The following ANKRD62 variants were observed in gnomAD, a reference collection of about 807,000 sequenced individuals.
The protein encoded by ANKRD62 is ankyrin repeat domain-containing protein 62.
ANKRD62 carries 61 observed loss-of-function variants against 98.8 expected under a neutral mutation model. That is an observed-to-expected ratio of 0.62 (90% CI 0.50 to 0.76). The LOEUF is 0.76. Ranked by LOEUF, ANKRD62 falls within the 30% of genes least tolerant of loss-of-function variation. The pLI, the probability that ANKRD62 is intolerant of heterozygous loss-of-function variation, is 0.00. For missense variants in ANKRD62, 933 were observed against 1,082.9 expected (o/e 0.86, Z 1.94); for synonymous variants, 341 against 367.9 (o/e 0.93, Z 0.84).
intron 13 of ANKRD62, 91 bp downstream of exon 13, chr18:12,126,474 A>G: frequency 1.9e-6 from 2 of 1,064,438 alleles, no homozygotes; most frequent in Non-Finnish European, 2.6e-6. Flanking sequence ...ATCTAGTTGA[A>G]TATCAAAATA....
Position 12,126,124 on chromosome 18 carries a change from AGCAGC to A in ANKRD62, c.2304_2308del (p.Gln769IlefsTer21). The A allele has an allele frequency of 6.5e-7, 1 of 1,536,146 alleles. No individual in the cohort carries two copies. Among genetic ancestry groups the A allele is most frequent in the Non-Finnish European group, 8.7e-7 (1 of 1,146,890 alleles). ...CCTATTTTGGAAAAATACGTGAGAA[AGCAGC>A]AATCTGTAGAGGATGGACTATTTCA... is the stretch of plus-strand genomic sequence containing the variant. On this transcript the variant is annotated frameshift_variant, in exon 13 of 14. Coordinates refer to ENST00000587848, the MANE Select transcript of ANKRD62 (RefSeq NM_001277333.2). LOFTEE classifies it high-confidence loss of function.
chr18:12,124,264 C>G lies in ANKRD62; in HGVS notation c.1582C>G (p.Leu528Val), dbSNP rs1909843648. The G allele has an allele frequency of 1.5e-6, 2 of 1,327,928 alleles. No homozygotes were observed. The highest frequency in any genetic ancestry group is 1.0e-6 in the Non-Finnish European group (1 of 972,038). The allele number at this position is 1,327,928 out of a possible 1,614,324, so 82.3% of individuals were successfully genotyped here. A position where few individuals can be genotyped will look rare whatever the true frequency, so the allele number is the denominator to read the frequency against. The change falls in exon 12 of 14, where the codon CTG becomes GTG. Residue 528 changes from leucine (L) to valine (V), a missense_variant. By Grantham distance (32) the Leu-to-Val change is conservative (BLOSUM62 1). Around this residue, in one of 3 missense-constraint regions of ANKRD62, gnomAD observed 22 missense variants for 60.5 expected, o/e 0.36. Transcript: ENST00000587848. ...AACTGAAGTGAAAAAACAATCTAAA[C>G]TGACTCTCAAATCATTGGAAGTGGA... ...TQTEVKKQSK[L>V]TLKSLEVELK...
At chr18:12,112,230 A>G (rs1909558908) in intron 8 of ANKRD62, among the ~76,000 whole-genome samples, 1 of 152,122 alleles carries the variant, frequency 6.6e-6, no homozygotes, top group Non-Finnish European at 1.5e-5. Context: ...TTTAAAATTC[A>G]TAGGGAACCA....
chr18:12,166,599 C>T, the ANKRD62 span, among the ~76,000 whole-genome samples: 1 of 152,008 alleles, frequency 6.6e-6, no homozygotes, highest in Non-Finnish European at 1.5e-5. Context: ...TGAAAAGTCA[C>T]ATATCTCTGT....
At chr18:12,174,895 G>A in the ANKRD62 span, among the ~76,000 whole-genome samples, 778 of 152,356 alleles carry the variant, frequency 5.1e-3, 4 homozygotes, top group African/African-American at 0.017. Context: ...CTTGCAGAAC[G>A]TTGGTCACTA....
chr18:12,095,259 A>C lies in ANKRD62; in HGVS notation c.307A>C (p.Ser103Arg). ...AAAATGCCAGCTTAACCTCACTGAC[A>C]GTGAAAACAGGACAGCTCTGATCAA... is the stretch of plus-strand genomic sequence containing the variant. The part of the protein sequence containing the change: ...ARKCQLNLTD[S>R]ENRTALIKAV... Residue 103 changes from serine to arginine, a missense_variant, in exon 2 of 14, where the codon AGT becomes CGT. By Grantham distance (110) the Ser-to-Arg change is moderately radical (BLOSUM62 -1). Coordinates refer to ENST00000587848, the MANE Select transcript of ANKRD62 (RefSeq NM_001277333.2). 6.5e-7 allele frequency: 1 copy of C among 1,539,864 alleles called. No individual in the cohort carries two copies. The highest frequency in any genetic ancestry group is 1.2e-5 in the South Asian group (1 of 84,066).
intron 6 of ANKRD62, among the ~76,000 whole-genome samples, chr18:12,100,399 G>C (rs1272860430): frequency 6.6e-6 from 1 of 152,158 alleles, no homozygotes; most frequent in African/African-American, 2.4e-5. Flanking sequence ...AGGAGGAGTA[G>C]GAGGTAGAGG....
At chr18:12,138,286 T>C in the ANKRD62 span, among the ~76,000 whole-genome samples, 4 of 152,166 alleles carry the variant, frequency 2.6e-5, no homozygotes, top group South Asian at 6.2e-4. Flanking sequence ...TTTATTTCTG[T>C]CTTCATTTCG....
intron 10 of ANKRD62, among the ~76,000 whole-genome samples, chr18:12,116,323 T>C (rs1031706708): frequency 1.3e-5 from 2 of 152,240 alleles, no homozygotes; most frequent in Non-Finnish European, 2.9e-5. Context: ...GCGGTTACTG[T>C]GTTGTCACAC....
chr18:12,138,942 C>T, the ANKRD62 span, among the ~76,000 whole-genome samples: 2 of 152,120 alleles, frequency 1.3e-5, no homozygotes, highest in Non-Finnish European at 2.9e-5. Context: ...TGTGTCTCTG[C>T]ACGTGAGATG....
downstream of ANKRD62, among the ~76,000 whole-genome samples, chr18:12,132,274 A>G (rs1910017260): frequency 6.6e-6 from 1 of 152,184 alleles, no homozygotes; most frequent in Non-Finnish European, 1.5e-5. Flanking sequence ...TTGATCATGT[A>G]TCCTGCAATG....
chr18:12,115,461 G>C lies in ANKRD62; in HGVS notation c.1167G>C (p.Glu389Asp). ...GTGGGTCATCTGAAAAAACCTCAGA[G>C]GATGATGAGTTGCCTTACTCTGATG... Reference protein sequence around the residue: ...DISGSSEKTSEDDELPYSDDE... With the variant: ...DISGSSEKTSDDDELPYSDDE... The change falls in exon 10 of 14, where the codon GAG (glutamate) becomes GAC (aspartate). Residue 389 changes from glutamate (E) to aspartate (D), a missense_variant. Coordinates refer to ENST00000587848, the MANE Select transcript of ANKRD62 (RefSeq NM_001277333.2). The C allele has an allele frequency of 6.5e-7, 1 of 1,537,242 alleles. No individual in the cohort carries two copies. Among genetic ancestry groups the C allele is most frequent in the Non-Finnish European group, 8.7e-7 (1 of 1,146,512 alleles).
At chr18:12,120,865 T>C (rs996946544) in intron 10 of ANKRD62, among the ~76,000 whole-genome samples, 5 of 152,212 alleles carry the variant, frequency 3.3e-5, no homozygotes, top group Non-Finnish European at 5.9e-5. Flanking sequence ...CAAGTAATGT[T>C]ATACCACATC....
Position 12,095,575 on chromosome 18 carries a change from C to A in ANKRD62, c.472C>A (p.Leu158Ile). ...NENISMARKL[L>I]AYGADIEARS... ...GAATATATCAATGGCAAGAAAACTG[C>A]TTGCATATGGTGCAGATATTGAAGC... is the stretch of plus-strand genomic sequence containing the variant. The change falls in exon 3 of 14, where the codon CTT (leucine) becomes ATT (isoleucine). Residue 158 changes from leucine to isoleucine, a missense_variant. Physicochemically the swap from Leu to Ile is conservative, Grantham distance 5. This residue lies in a region of ANKRD62 where 549 missense variants were observed against 587.9 expected (regional missense o/e 0.93). Coordinates refer to ENST00000587848, the MANE Select transcript of ANKRD62 (RefSeq NM_001277333.2). 6.5e-7 allele frequency: 1 copy of A among 1,530,598 alleles called. No individual in the cohort carries two copies. Among genetic ancestry groups the A allele is most frequent in the Non-Finnish European group, 8.7e-7 (1 of 1,143,680 alleles). 94.8% of individuals were successfully genotyped at this position (1,530,598 alleles called of 1,614,324 possible). A position where few individuals can be genotyped will look rare whatever the true frequency, so the allele number is the denominator to read the frequency against.
Position 12,095,622 on chromosome 18 carries a change from C to G in ANKRD62, c.507+12C>G. On this transcript the variant is annotated intron_variant, in intron 3 of 13. Transcript: ENST00000587848. ...AAGCAAGAAGCCAGGTATGATCAAC[C>G]AATGTTCTTTTCAAAGTATTTCAAG... 6.8e-7 allele frequency: 1 copy of G among 1,475,744 alleles called. No homozygotes were observed. The highest frequency in any genetic ancestry group is 9.0e-7 in the Non-Finnish European group (1 of 1,116,750). The allele number at this position is 1,475,744 out of a possible 1,614,324, so 91.4% of individuals were successfully genotyped here.
At chr18:12,106,279 C>G (rs1909411848) in intron 7 of ANKRD62, among the ~76,000 whole-genome samples, 1 of 152,044 alleles carries the variant, frequency 6.6e-6, no homozygotes, top group Admixed American at 6.6e-5. Context: ...ATGTCAGTAC[C>G]ATGGATTCTC....
At chr18:12,158,756 G>A in the ANKRD62 span, among the ~76,000 whole-genome samples, 6 of 149,548 alleles carry the variant, frequency 4.0e-5, no homozygotes, top group South Asian at 2.1e-4. Flanking sequence ...GCGTGGTCTC[G>A]ATCTCCTGAC....
the ANKRD62 span, among the ~76,000 whole-genome samples, chr18:12,155,069 A>C: frequency 6.6e-6 from 1 of 152,322 alleles, no homozygotes; most frequent in Admixed American, 6.5e-5. Flanking sequence ...CCCCTGTGAC[A>C]CAAGTTTACC....
the ANKRD62 span, among the ~76,000 whole-genome samples, chr18:12,136,310 C>G: frequency 2.0e-5 from 3 of 151,920 alleles, no homozygotes; most frequent in East Asian, 5.8e-4. Context: ...AATCCTTTCC[C>G]CATTGCTTGT....
Sources: gnomAD v4.1 joint callset for allele counts (sites outside exome capture counted in the v4.1 genomes callset) on GRCh38, gnomAD v4.1.1 for gene constraint, gnomAD v4.1.1 regional missense constraint, MANE v1.5 for transcripts, NCBI Gene and HGNC (gene_info 2026-07-23, HGNC 2026-07-21) for gene names.